Variants in PTPRN2 observed in about 807,000 individuals in gnomAD.
PTPRN2 encodes protein tyrosine phosphatase receptor type N2, also known as receptor-type tyrosine-protein phosphatase N2.
PTPRN2 carries 74 observed loss-of-function variants against 118.8 expected under a neutral mutation model. That is an observed-to-expected ratio of 0.62 (90% CI 0.52 to 0.76). The LOEUF is 0.76. Among genes scored for constraint, PTPRN2 ranks in the 30% least tolerant of loss-of-function variants. The pLI is 0.00. For missense variants in PTPRN2, 1,481 were observed against 1,394.4 expected (o/e 1.06, Z -0.99); for synonymous variants, 641 against 608.0 (o/e 1.05, Z -0.80).
chr7:158,126,791 AC>A (rs1222846108), intron 9 of PTPRN2, among the ~76,000 whole-genome samples: 1 of 152,156 alleles, frequency 6.6e-6, no homozygotes, highest in East Asian at 1.9e-4. Flanking sequence ...GGCTGGGGGA[AC>A]CTGCAGGGCC....
chr7:157,594,895 A>ACCG, intron 17 of PTPRN2, among the ~76,000 whole-genome samples: 1 of 152,294 alleles, frequency 6.6e-6, no homozygotes, highest in East Asian at 1.9e-4. Flanking sequence ...TCCTGCTGTG[A>ACCG]CCGCCATCAT....
chr7:158,055,435 G>A (rs538891190), intron 11 of PTPRN2, among the ~76,000 whole-genome samples: 2 of 152,176 alleles, frequency 1.3e-5, no homozygotes, highest in South Asian at 4.2e-4. Context: ...CTTTCCCTGG[G>A]GGAGTTTAGA....
intron 9 of PTPRN2, among the ~76,000 whole-genome samples, chr7:158,121,005 T>C (rs28501236): frequency 0.017 from 2,607 of 152,268 alleles, 78 homozygotes; most frequent in African/African-American, 0.059. Flanking sequence ...CAAACCCTCC[T>C]GGCAGGCAAG....
intron 12 of PTPRN2, among the ~76,000 whole-genome samples, chr7:157,696,988 G>A (rs370510264): frequency 1.6e-4 from 15 of 91,144 alleles, no homozygotes; most frequent in Admixed American, 3.4e-4. Context: ...TGCATACTGG[G>A]TCTTGGCAGA....
chr7:158,071,844 T>C (rs1349278053), intron 11 of PTPRN2, among the ~76,000 whole-genome samples: 8 of 39,922 alleles, frequency 2.0e-4, no homozygotes, highest in Non-Finnish European at 2.7e-4. Context: ...GTGGAGGTGC[T>C]CGTGGTGGTG....
Position 158,003,331 on chromosome 7 carries a change from A to G in PTPRN2, c.1723+77967T>C, listed in dbSNP as rs957657660. Among the ~76,000 whole-genome samples, 567 of 149,678 alleles carry G rather than the reference A, an allele frequency of 3.8e-3. 1 individual carries two copies. Among genetic ancestry groups the G allele is most frequent in the Non-Finnish European group, 6.4e-3 (430 of 67,470 alleles). On this transcript the variant is annotated intron_variant, in intron 11 of 22. Transcript: ENST00000389418. This position sits in a 1 kb window ranked among gnomAD's most constrained non-coding sequence, Gnocchi z 5.0. Reference sequence around the variant, plus strand: ...TGGGAGGCTGAGGCAGGAGAATGGCATGAACCTGGGAGGCGGAGCTTGCAG... The same window carrying G: ...TGGGAGGCTGAGGCAGGAGAATGGCGTGAACCTGGGAGGCGGAGCTTGCAG...
chr7:157,829,614 C>A (rs746405835), intron 12 of PTPRN2, among the ~76,000 whole-genome samples: 8 of 152,370 alleles, frequency 5.3e-5, no homozygotes, highest in Non-Finnish European at 1.2e-4. Flanking sequence ...AGACTCCTTA[C>A]AAAGGCGGAA....
At chr7:158,582,873 T>C (rs1207224596) in intron 1 of PTPRN2, among the ~76,000 whole-genome samples, 3 of 151,678 alleles carry the variant, frequency 2.0e-5, no homozygotes, top group African/African-American at 7.3e-5. Context: ...CTTAGATATC[T>C]GTCACCCAAT....
chr7:158,379,263 G>A (rs1242884889), intron 2 of PTPRN2, among the ~76,000 whole-genome samples: 1 of 152,210 alleles, frequency 6.6e-6, no homozygotes, highest in Non-Finnish European at 1.5e-5. Context: ...GACTGGGGTT[G>A]GCAGGAGGAC....
In PTPRN2 at chr7:157,794,539, T is replaced by G. The variant is rs1040820908; in HGVS notation, c.1788+104134A>C. Among the ~76,000 whole-genome samples the G allele has an allele frequency of 2.0e-5, 3 of 152,238 alleles. No individual in the cohort carries two copies. Among genetic ancestry groups the G allele is most frequent in the African/African-American group, 7.2e-5 (3 of 41,458 alleles). ...TGAGTCAAAGGAGGCAATTATACAATAGGACTATCACCCTCACTGTCACTC... is the reference window on the plus strand; with the variant it reads ...TGAGTCAAAGGAGGCAATTATACAAGAGGACTATCACCCTCACTGTCACTC... On this transcript the variant is annotated intron_variant, in intron 12 of 22. Coordinates refer to ENST00000389418, the MANE Select transcript of PTPRN2 (RefSeq NM_002847.5). The surrounding 1 kb of genome is among the most constrained non-coding windows in gnomAD (Gnocchi z 5.2).
At chr7:158,452,350 C>T (rs1314272435) in intron 2 of PTPRN2, among the ~76,000 whole-genome samples, 2 of 152,220 alleles carry the variant, frequency 1.3e-5, no homozygotes, top group African/African-American at 4.8e-5. Flanking sequence ...AATTCATATC[C>T]TTACAGAATT....
At chr7:158,569,269 G>A (rs938057340) in intron 1 of PTPRN2, among the ~76,000 whole-genome samples, 2 of 151,300 alleles carry the variant, frequency 1.3e-5, no homozygotes, top group African/African-American at 4.8e-5. Flanking sequence ...TCCTGGCCCA[G>A]GGAGGCCCCG....
chr7:157,788,439 G>A (rs1804219332), intron 12 of PTPRN2, among the ~76,000 whole-genome samples: 1 of 151,682 alleles, frequency 6.6e-6, no homozygotes, highest in Admixed American at 6.5e-5. Context: ...ACTGCTGTCT[G>A]GAGACCCTGG....
intron 1 of PTPRN2, among the ~76,000 whole-genome samples, chr7:158,516,905 G>A (rs1293184746): frequency 6.6e-6 from 1 of 152,186 alleles, no homozygotes. Flanking sequence ...TCCTGGTGCT[G>A]TTCTTGGTGT....
At chr7:158,538,314 G>A (rs758935548) in intron 1 of PTPRN2, among the ~76,000 whole-genome samples, 5 of 152,200 alleles carry the variant, frequency 3.3e-5, no homozygotes, top group African/African-American at 4.8e-5. Context: ...CGCACGCTGC[G>A]CTCCCTCACA....
At chr7:158,397,811 A>G (rs1367455891) in intron 2 of PTPRN2, among the ~76,000 whole-genome samples, 2 of 152,214 alleles carry the variant, frequency 1.3e-5, no homozygotes, top group Non-Finnish European at 2.9e-5. Flanking sequence ...AAAAACAGCT[A>G]CATGCACACA....
intron 2 of PTPRN2, among the ~76,000 whole-genome samples, chr7:158,327,175 ACAC>A (rs1803668176): frequency 6.6e-6 from 1 of 151,386 alleles, no homozygotes; most frequent in African/African-American, 2.4e-5. Flanking sequence ...ACATGCACAC[ACAC>A]ATGCTCACAT....
chr7:157,684,469 G>A (rs1797070394), intron 12 of PTPRN2, among the ~76,000 whole-genome samples: 1 of 151,144 alleles, frequency 6.6e-6, no homozygotes, highest in Non-Finnish European at 1.5e-5. Flanking sequence ...AGGAGGGGCG[G>A]GAACCAGGGG....
intron 11 of PTPRN2, among the ~76,000 whole-genome samples, chr7:157,915,025 C>T (rs1798318894): frequency 6.6e-6 from 1 of 152,008 alleles, no homozygotes; most frequent in Non-Finnish European, 1.5e-5. Flanking sequence ...TCTTTTAAGA[C>T]TATTGATCTG....
Sources: allele counts gnomAD v4.1 joint callset (sites outside exome capture counted in the v4.1 genomes callset), GRCh38; gene constraint gnomAD v4.1.1; non-coding constraint Gnocchi (gnomAD v3.1); transcripts MANE v1.5; gene names NCBI Gene and HGNC (gene_info 2026-07-23, HGNC 2026-07-21).